The following CHST15 variants were observed in gnomAD, a reference collection of about 807,000 sequenced individuals.
CHST15 encodes B cell RAG associated protein (GALNAC4S-6ST).
Under a neutral mutation model 53.6 loss-of-function variants are expected in CHST15, and 30 were observed. That is an observed-to-expected ratio of 0.56 (90% CI 0.42 to 0.76). The LOEUF (loss-of-function observed/expected upper bound fraction) is 0.76. Ranked by LOEUF, CHST15 falls within the 30% of genes least tolerant of loss-of-function variation. CHST15 has a pLI of 0.00. For missense variants in CHST15, 627 were observed against 740.5 expected (o/e 0.85, Z 1.78); for synonymous variants, 296 against 289.8 (o/e 1.02, Z -0.22).
At chr10:124,087,901 T>C (rs1949483374) in intron 1 of CHST15, among the ~76,000 whole-genome samples, 1 of 152,204 alleles carries the variant, frequency 6.6e-6, no homozygotes, top group Non-Finnish European at 1.5e-5. Context: ...TGAAGGGTCT[T>C]GAAGGGTAGC....
At chr10:124,023,070 C>T (rs1031893772) in intron 5 of CHST15, among the ~76,000 whole-genome samples, 3 of 151,996 alleles carry the variant, frequency 2.0e-5, no homozygotes, top group Non-Finnish European at 2.9e-5. Context: ...CCACCTGCCT[C>T]GGCTTTAAAA....
intron 1 of CHST15, among the ~76,000 whole-genome samples, chr10:124,086,852 T>C (rs1847853580): frequency 6.6e-6 from 1 of 152,164 alleles, no homozygotes; most frequent in Admixed American, 6.5e-5. Flanking sequence ...CTAAGCCACT[T>C]GTTCAGAGCC....
intron 1 of CHST15, among the ~76,000 whole-genome samples, chr10:124,073,045 C>T (rs1326518685): frequency 6.6e-6 from 1 of 152,136 alleles, no homozygotes; most frequent in East Asian, 1.9e-4. Flanking sequence ...TTGTTTGGAA[C>T]ACTGGCATTA....
At position 124,074,152 on chromosome 10, in the gene CHST15, C is replaced by T. The variant is rs28631417; in HGVS notation, c.-513+19317G>A. On this transcript the variant is annotated intron_variant, in intron 1 of 7. Coordinates refer to ENST00000435907, the MANE Select transcript of CHST15 (RefSeq NM_001270764.2). The surrounding 1 kb of genome is among the most constrained non-coding windows in gnomAD (Gnocchi z 4.4). ...AGCTCAAGTCACGCCTGCTGCACCC[C>T]CAGGGAAGGTAGCTTGCTCTCCCTC... 0.027 allele frequency among the ~76,000 whole-genome samples: 4,174 copies of T among 152,334 alleles called. 263 individuals are homozygous for T. The highest frequency in any genetic ancestry group is 0.21 in the East Asian group (1,089 of 5,178).
chr10:124,041,193 T>G (rs1186021530), intron 4 of CHST15, among the ~76,000 whole-genome samples: 1 of 152,234 alleles, frequency 6.6e-6, no homozygotes, highest in Non-Finnish European at 1.5e-5. Flanking sequence ...CAGGAGAGTC[T>G]TAAGTTAAAA....
In CHST15 at chr10:124,042,281, G is replaced by C; in HGVS notation, c.1033+20C>G. ...CCCAGGGAGGGTGCTAGCCCTGCCA[G>C]AGTGACACAGACGCCTTACCGATAA... is the stretch of plus-strand genomic sequence containing the variant. On this transcript the variant is annotated intron_variant, in intron 4 of 7. Coordinates refer to ENST00000435907, the MANE Select transcript of CHST15 (RefSeq NM_001270764.2). 6.2e-7 allele frequency: 1 copy of C among 1,600,374 alleles called. No individual in the cohort carries two copies. The highest frequency in any genetic ancestry group is 1.1e-5 in the South Asian group (1 of 90,716).
At chr10:124,030,415 G>C (rs565419355) in intron 5 of CHST15, among the ~76,000 whole-genome samples, 69 of 152,308 alleles carry the variant, frequency 4.5e-4, no homozygotes, top group Admixed American at 1.1e-3. Flanking sequence ...CCGCACTACA[G>C]TAGTCCTCAC....
At chr10:124,061,443 T>G (rs7908584) in intron 1 of CHST15, among the ~76,000 whole-genome samples, 148,780 of 152,296 alleles carry the variant, frequency 0.98, 72,670 homozygotes, top group East Asian at 1. Flanking sequence ...TGATTCTGGG[T>G]CCTCCCCAGC....
chr10:124,009,551 A>T lies in CHST15; in HGVS notation c.*598T>A. On this transcript the variant is annotated 3_prime_UTR_variant, in exon 8 of 8. Coordinates refer to ENST00000435907, the MANE Select transcript of CHST15 (RefSeq NM_001270764.2). ...GTTTGGAGTAAAGGAGAAAAAAAAA[A>T]TGAAGAGCCTCCATTCTCGAAAGAC... 1 of 988,936 alleles carries T rather than the reference A, an allele frequency of 1.0e-6. No individual in the cohort carries two copies. Among genetic ancestry groups the T allele is most frequent in the Non-Finnish European group, 1.2e-6 (1 of 831,914 alleles). 61.3% of individuals were successfully genotyped at this position (988,936 alleles called of 1,614,324 possible).
intron 1 of CHST15, among the ~76,000 whole-genome samples, chr10:124,089,622 AGGGGGT>A (rs1175790344): frequency 1.3e-5 from 2 of 152,132 alleles, no homozygotes; most frequent in Non-Finnish European, 2.9e-5. Context: ...TCCCCTGTTC[AGGGGGT>A]GGGTGCCTCC....
intron 1 of CHST15, among the ~76,000 whole-genome samples, chr10:124,061,235 T>C (rs1443515159): frequency 6.6e-6 from 1 of 152,192 alleles, no homozygotes; most frequent in Non-Finnish European, 1.5e-5. Context: ...ACTTGAATTG[T>C]AGCTCCCAGA....
rs181932616 is a variant in CHST15, at chr10:124,038,723, G to A, written c.1034-52C>T. 373 of 1,594,308 alleles carry A rather than the reference G, an allele frequency of 2.3e-4. 3 individuals are homozygous for A. In the East Asian group the frequency reaches 4.1e-3, roughly 18 times the overall value. On this transcript the variant is annotated intron_variant, in intron 4 of 7. Transcript: ENST00000435907. ...GCAGGGGTGTGATTCAGGCTCCCAC[G>A]GAGTGGCTCTAGGTGCCAGAGGCCA...
intron 5 of CHST15, among the ~76,000 whole-genome samples, chr10:124,038,247 T>C (rs566068901): frequency 2.8e-4 from 43 of 152,014 alleles, no homozygotes; most frequent in South Asian, 1.0e-3. Flanking sequence ...GCTGGGACTA[T>C]AGGAGTGTGC....
At chr10:124,032,057 G>A (rs900372569) in intron 5 of CHST15, among the ~76,000 whole-genome samples, 1 of 152,186 alleles carries the variant, frequency 6.6e-6, no homozygotes, top group African/African-American at 2.4e-5. Flanking sequence ...GTGTCCCCAT[G>A]AGTGACTGCC....
At chr10:124,029,233 T>A (rs948181392) in intron 5 of CHST15, among the ~76,000 whole-genome samples, 7 of 152,204 alleles carry the variant, frequency 4.6e-5, no homozygotes, top group African/African-American at 1.7e-4. Flanking sequence ...TTCCACTGAA[T>A]CACAAACTGT....
At position 124,019,982 on chromosome 10, in the gene CHST15, C is replaced by T. The variant is rs1002892932; in HGVS notation, c.1347+1274G>A. ...TCCTTCAGGCCTCAGCACAGACATT[C>T]CCTCTCCTAAGAACCTGCCTGAAGC... On this transcript the variant is annotated intron_variant, in intron 6 of 7. Coordinates refer to ENST00000435907, the MANE Select transcript of CHST15 (RefSeq NM_001270764.2). This position sits in a 1 kb window ranked among gnomAD's most constrained non-coding sequence, Gnocchi z 4.6. The T allele has an allele frequency of 4.1e-6, 4 of 985,734 alleles. No homozygotes were observed. The highest frequency in any genetic ancestry group is 1.1e-4 in the East Asian group (1 of 8,814). The allele number at this position is 985,734 out of a possible 1,614,324, so 61.1% of individuals were successfully genotyped here.
intron 6 of CHST15, among the ~76,000 whole-genome samples, chr10:124,013,584 C>G (rs1946486849): frequency 6.6e-6 from 1 of 152,226 alleles, no homozygotes; most frequent in Admixed American, 6.5e-5. Flanking sequence ...TCTGAGAATC[C>G]TTCTGGAAAA....
intron 1 of CHST15, among the ~76,000 whole-genome samples, chr10:124,081,481 A>G (rs1949237426): frequency 6.6e-6 from 1 of 152,218 alleles, no homozygotes; most frequent in South Asian, 2.1e-4. Context: ...ATTTCTTTCA[A>G]TAAGCTCCGT....
intron 6 of CHST15, chr10:124,020,356 C>G: frequency 7.1e-6 from 7 of 985,480 alleles, no homozygotes; most frequent in Non-Finnish European, 8.4e-6. Flanking sequence ...TACCTGGCAC[C>G]AGAGCAGGCT....
Sources: gnomAD v4.1 joint callset for allele counts (sites outside exome capture counted in the v4.1 genomes callset) on GRCh38, gnomAD v4.1.1 for gene constraint, Gnocchi (gnomAD v3.1) non-coding constraint, MANE v1.5 for transcripts, NCBI Gene and HGNC (gene_info 2026-07-23, HGNC 2026-07-21) for gene names.